DLGAP5: variants seen among roughly 807,000 people sequenced by gnomAD.
DLGAP5 encodes the protein DLG associated protein 5, also known as disks large-associated protein 5.
DLGAP5 carries 90 observed loss-of-function variants against 99.6 expected under a neutral mutation model. The observed-to-expected ratio is 0.90, with a 90% CI of 0.76 to 1.08. DLGAP5 has a LOEUF of 1.08. Ranked by LOEUF, DLGAP5 falls within the 50% of genes least tolerant of loss-of-function variation. The pLI is 0.00. For missense variants in DLGAP5, 1,036 were observed against 983.5 expected, an observed-to-expected ratio of 1.05 and a Z score of -0.71; for synonymous variants, 311 against 321.3, an observed-to-expected ratio of 0.97 and a Z score of 0.34.
At chr14:55,169,285 T>A in intron 12 of DLGAP5, 114 bp downstream of exon 12, 1 of 602,246 alleles carries the variant, frequency 1.7e-6, no homozygotes, top group Middle Eastern at 5.0e-4. Context: ...TATAACATCT[T>A]ATTTAATATT....
At chr14:55,167,120 G>A (rs1337781357) in intron 12 of DLGAP5, among the ~76,000 whole-genome samples, 4 of 151,846 alleles carry the variant, frequency 2.6e-5, no homozygotes, top group African/African-American at 9.7e-5. Flanking sequence ...CTGGCGTGGT[G>A]GTGGGCATCT....
At chr14:55,184,418 C>G (rs908020266) in intron 2 of DLGAP5, among the ~76,000 whole-genome samples, 1 of 152,170 alleles carries the variant, frequency 6.6e-6, no homozygotes, top group Non-Finnish European at 1.5e-5. Context: ...TAACTGCTTG[C>G]TATGTAATAG....
rs533122984 is a variant in DLGAP5, at chr14:55,148,561, T to C, written c.2419-88A>G. ...CAACATTCTATAGTGGATTAATTAA[T>C]AACAAAAATAAACCGGGTGCGGTGG... is the stretch of plus-strand genomic sequence containing the variant. On this transcript the variant is annotated intron_variant, in intron 18 of 18. Coordinates refer to ENST00000247191, the MANE Select transcript of DLGAP5 (RefSeq NM_014750.5). 23 of 1,601,254 alleles carry C rather than the reference T, an allele frequency of 1.4e-5. 1 individual carries two copies. In the South Asian group the frequency reaches 1.8e-4, roughly 12 times the overall value.
In DLGAP5 at chr14:55,152,579, A is replaced by G. The variant is rs1317456177; in HGVS notation, c.2121+11T>C. 1.3e-6 allele frequency: 2 copies of G among 1,596,598 alleles called. No homozygotes were observed. Among genetic ancestry groups the G allele is most frequent in the Non-Finnish European group, 1.7e-6 (2 of 1,171,708 alleles). ...TACTGGGCTATCTAACCACACTGGA[A>G]TTGTACTTACATGATTTTCTTCAAT... On this transcript the variant is annotated intron_variant, in intron 16 of 18. Coordinates refer to ENST00000247191, the MANE Select transcript of DLGAP5 (RefSeq NM_014750.5).
chr14:55,157,792 T>G (rs1882265082), intron 14 of DLGAP5, among the ~76,000 whole-genome samples: 1 of 152,268 alleles, frequency 6.6e-6, no homozygotes, highest in Admixed American at 6.5e-5. Context: ...AGATGGAGTC[T>G]TGCTCTGTCA....
chr14:55,154,785 C>A lies in DLGAP5; in HGVS notation c.1895G>T (p.Gly632Val). ...AGGTGTTCCAAGTCTTTGAGAAGGG[C>A]CTTCAGAAGAGACAGAAAGTCCTAG... is the stretch of plus-strand genomic sequence containing the variant. ...LFSGLSVSSE[G>V]PSQRLGTPKS... The change falls in exon 15 of 19, where the codon GGC (glycine) becomes GTC (valine). Residue 632 changes from glycine to valine, a missense_variant. Physicochemically the swap from Gly to Val is moderately radical, Grantham distance 109. Transcript: ENST00000247191. 1 of 1,613,908 alleles carries A rather than the reference C, an allele frequency of 6.2e-7. No individual in the cohort carries two copies. Among genetic ancestry groups the A allele is most frequent in the Non-Finnish European group, 8.5e-7 (1 of 1,179,978 alleles).
chr14:55,169,175 C>CAAAAAA, intron 12 of DLGAP5, among the ~76,000 whole-genome samples: 1 of 63,898 alleles, frequency 1.6e-5, no homozygotes, highest in East Asian at 4.0e-4. Context: ...GACTCCGTCT[C>CAAAAAA]AAAAAAAAAA....
chr14:55,167,648 G>A (rs931990397), intron 12 of DLGAP5, among the ~76,000 whole-genome samples: 4 of 152,156 alleles, frequency 2.6e-5, no homozygotes, highest in African/African-American at 9.7e-5. Context: ...TCATTTTCCT[G>A]AGAAAGGGTA....
At chr14:55,186,526 C>T (rs1566509785) in intron 2 of DLGAP5, among the ~76,000 whole-genome samples, 1 of 152,218 alleles carries the variant, frequency 6.6e-6, no homozygotes, top group Non-Finnish European at 1.5e-5. Context: ...CTCTTCTTTT[C>T]ATGCCATTGT....
chr14:55,170,148 TAATA>T (rs1882803925), intron 11 of DLGAP5, among the ~76,000 whole-genome samples: 3 of 149,088 alleles, frequency 2.0e-5, no homozygotes, highest in Non-Finnish European at 4.5e-5. Context: ...ATAATAATAA[TAATA>T]AATAAATTAA....
chr14:55,186,976 T>C (rs1054005680), intron 2 of DLGAP5, among the ~76,000 whole-genome samples: 4 of 152,130 alleles, frequency 2.6e-5, no homozygotes, highest in African/African-American at 9.7e-5. Context: ...AGTGGTGTGA[T>C]TGGCTCACTG....
At chr14:55,150,655 C>A (rs1343682870) in intron 18 of DLGAP5, 144 bp downstream of exon 18, 7 of 584,284 alleles carry the variant, frequency 1.2e-5, no homozygotes, top group African/African-American at 2.0e-5. Flanking sequence ...CCAAATTTTT[C>A]TTCATTCTGT....
chr14:55,156,729 A>G (rs1288916912), intron 14 of DLGAP5, among the ~76,000 whole-genome samples: 1 of 152,236 alleles, frequency 6.6e-6, no homozygotes, highest in Non-Finnish European at 1.5e-5. Flanking sequence ...CAACTAGATG[A>G]AAGTACCCTG....
intron 15 of DLGAP5, 24 bp from the exon 16 acceptor site, chr14:55,152,671 T>C (rs1036510859): frequency 1.3e-6 from 2 of 1,574,356 alleles, no homozygotes. Flanking sequence ...AAAGCAGCAT[T>C]ACACTCATAA....
At chr14:55,160,863 TAAAG>T (rs1262015212) in intron 13 of DLGAP5, among the ~76,000 whole-genome samples, 1 of 151,976 alleles carries the variant, frequency 6.6e-6, no homozygotes, top group Non-Finnish European at 1.5e-5. Flanking sequence ...GTTGGAGAAA[TAAAG>T]GAACAAAAAT....
chr14:55,187,485 A>AT (rs987961286), intron 2 of DLGAP5, among the ~76,000 whole-genome samples: 2 of 151,398 alleles, frequency 1.3e-5, no homozygotes, highest in African/African-American at 2.4e-5. Flanking sequence ...CACCCAGCTA[A>AT]TTTTTTTATT....
chr14:55,173,736 T>C (rs1394570870), intron 10 of DLGAP5, among the ~76,000 whole-genome samples: 1 of 152,196 alleles, frequency 6.6e-6, no homozygotes, highest in Non-Finnish European at 1.5e-5. Context: ...ACTTTTGTAA[T>C]ATCTTATGCC....
chr14:55,169,593 G>T, intron 11 of DLGAP5, 34 bp from the exon 12 acceptor site: 5 of 1,494,358 alleles, frequency 3.3e-6, no homozygotes, highest in Admixed American at 2.4e-5. Flanking sequence ...AAAATTAAAG[G>T]ACAAAACGGG....
intron 18 of DLGAP5, 162 bp from the exon 19 acceptor site, chr14:55,148,635 C>G: frequency 6.7e-7 from 1 of 1,492,354 alleles, no homozygotes; most frequent in Non-Finnish European, 9.0e-7. Flanking sequence ...GGTAGGATCA[C>G]TTGAACCCAG....
Sources: gnomAD v4.1 joint callset for allele counts (sites outside exome capture counted in the v4.1 genomes callset) on GRCh38, gnomAD v4.1.1 for gene constraint, MANE v1.5 for transcripts, NCBI Gene and HGNC (gene_info 2026-07-23, HGNC 2026-07-21) for gene names.